The following PTPRN2 variants were observed in gnomAD, a reference collection of about 807,000 sequenced individuals.
PTPRN2 encodes the protein protein tyrosine phosphatase receptor type N2.
Under a neutral mutation model 118.8 loss-of-function variants are expected in PTPRN2, and 74 were observed. That is an observed-to-expected ratio of 0.62 (90% CI 0.52 to 0.76). The LOEUF (loss-of-function observed/expected upper bound fraction) is 0.76. PTPRN2 is among the 30% of genes least tolerant of loss of function. PTPRN2 has a pLI of 0.00. For synonymous variants in PTPRN2, 641 were observed against 608.0 expected (o/e 1.05, Z -0.80); for missense variants, 1,481 against 1,394.4 (o/e 1.06, Z -0.99).
At position 157,589,335 on chromosome 7, in the gene PTPRN2, C is replaced by G. The variant is rs1401243268; in HGVS notation, c.2496+5903G>C. 2.0e-5 allele frequency among the ~76,000 whole-genome samples: 3 copies of G among 152,380 alleles called. No individual in the cohort carries two copies. The East Asian group carries it at 5.8e-4, about 29-fold the overall frequency. ...TGGGACTTCCTTTCTTCCCCCAGCC[C>G]CCTTTCCTTATGCCCACTGGACTCG... On this transcript the variant is annotated intron_variant, in intron 17 of 22. Coordinates refer to ENST00000389418, the MANE Select transcript of PTPRN2 (RefSeq NM_002847.5).
chr7:158,336,718 AC>A (rs1805625560), intron 2 of PTPRN2, among the ~76,000 whole-genome samples: 1 of 119,902 alleles, frequency 8.3e-6, no homozygotes. Context: ...CCACACTCTC[AC>A]CAAAAGAGCT....
chr7:158,257,390 G>A (rs12698183), intron 3 of PTPRN2, among the ~76,000 whole-genome samples: 17,485 of 152,110 alleles, frequency 0.11, 1,128 homozygotes, highest in African/African-American at 0.16. Context: ...TCTCCTCAGC[G>A]TTACAATGAG....
intron 6 of PTPRN2, among the ~76,000 whole-genome samples, chr7:158,162,178 G>A (rs1017147965): frequency 6.6e-6 from 1 of 152,220 alleles, no homozygotes; most frequent in Non-Finnish European, 1.5e-5. Flanking sequence ...AAGACAGTTT[G>A]GTGGCTGCTT....
chr7:157,591,478 C>T lies in PTPRN2; in HGVS notation c.2496+3760G>A, dbSNP rs1329392665. 1.3e-5 allele frequency among the ~76,000 whole-genome samples: 2 copies of T among 152,206 alleles called. No individual in the cohort carries two copies. Among genetic ancestry groups the T allele is most frequent in the Non-Finnish European group, 2.9e-5 (2 of 68,036 alleles). ...TCACTCCAACTCAGCCTGTTGACTT[C>T]GTCATCACCAACTTCGCATTTCAAA... is the stretch of plus-strand genomic sequence containing the variant. On this transcript the variant is annotated intron_variant, in intron 17 of 22. Transcript: ENST00000389418. The surrounding 1 kb of genome is among the most constrained non-coding windows in gnomAD (Gnocchi z 4.4).
intron 1 of PTPRN2, among the ~76,000 whole-genome samples, chr7:158,542,856 C>T (rs113620524): frequency 0.03 from 4,528 of 152,192 alleles, 227 homozygotes; most frequent in African/African-American, 0.1. Context: ...CCACTGTCTA[C>T]GGAACAGCCA....
At chr7:157,564,667 A>T (rs572954132) in intron 21 of PTPRN2, among the ~76,000 whole-genome samples, 1 of 152,392 alleles carries the variant, frequency 6.6e-6, no homozygotes, top group African/African-American at 2.4e-5. Flanking sequence ...ACAAATGGCC[A>T]ATAAGCCATT....
chr7:157,605,076 A>G (rs940338754), intron 15 of PTPRN2, among the ~76,000 whole-genome samples: 1 of 152,136 alleles, frequency 6.6e-6, no homozygotes, highest in East Asian at 1.9e-4. Context: ...CCTTTGCCCA[A>G]GTTTTGCTCA....
intron 1 of PTPRN2, among the ~76,000 whole-genome samples, chr7:158,522,211 G>A (rs1318479168): frequency 2.5e-5 from 2 of 79,422 alleles, no homozygotes; most frequent in Non-Finnish European, 5.0e-5. Context: ...TCACAATGGT[G>A]GACTGTCCAG....
chr7:158,520,456 C>G (rs375618430), intron 1 of PTPRN2, among the ~76,000 whole-genome samples: 2 of 152,202 alleles, frequency 1.3e-5, no homozygotes, highest in African/African-American at 4.8e-5. Flanking sequence ...CTTCGGTAGA[C>G]AGTTTCTAGA....
chr7:158,246,902 G>A (rs1313275222), intron 3 of PTPRN2, among the ~76,000 whole-genome samples: 1 of 152,018 alleles, frequency 6.6e-6, no homozygotes, highest in Non-Finnish European at 1.5e-5. Context: ...GACTGAGAGG[G>A]GCTACACCAG....
chr7:158,402,550 C>T (rs1233983696), intron 2 of PTPRN2, among the ~76,000 whole-genome samples: 3 of 152,198 alleles, frequency 2.0e-5, no homozygotes, highest in South Asian at 2.1e-4. Flanking sequence ...CAATATCCCA[C>T]GTGCCAGGGG....
At position 157,676,698 on chromosome 7, in the gene PTPRN2, C is replaced by T. The variant is rs117462092; in HGVS notation, c.2001+6027G>A. ...CAGTTTATCTGCTGCTGACTTTGCC[C>T]CCTTGTAAAACAGGGTTGGGAGATA... is the stretch of plus-strand genomic sequence containing the variant. On this transcript the variant is annotated intron_variant, in intron 13 of 22. Coordinates refer to ENST00000389418, the MANE Select transcript of PTPRN2 (RefSeq NM_002847.5). This position sits in a 1 kb window ranked among gnomAD's most constrained non-coding sequence, Gnocchi z 5.6. 0.012 allele frequency among the ~76,000 whole-genome samples: 1,859 copies of T among 152,310 alleles called. 24 individuals carry two copies. The highest frequency in any genetic ancestry group is 0.017 in the Non-Finnish European group (1,136 of 68,024).
intron 5 of PTPRN2, among the ~76,000 whole-genome samples, chr7:158,188,100 C>A (rs118180433): frequency 2.0e-5 from 3 of 151,824 alleles, no homozygotes; most frequent in Admixed American, 2.0e-4. Context: ...GGCCCCGTCA[C>A]GAGCTCCCAA....
At chr7:157,924,408 T>G (rs1452652477) in intron 11 of PTPRN2, among the ~76,000 whole-genome samples, 1 of 152,164 alleles carries the variant, frequency 6.6e-6, no homozygotes, top group Non-Finnish European at 1.5e-5. Context: ...CCAGCCCTGT[T>G]GCCAGAGCTC....
At chr7:158,567,864 C>T (rs574212441) in intron 1 of PTPRN2, among the ~76,000 whole-genome samples, 4 of 152,320 alleles carry the variant, frequency 2.6e-5, no homozygotes, top group African/African-American at 4.8e-5. Context: ...AGATGGGGCA[C>T]GGGCCATCCC....
In PTPRN2 at chr7:157,674,550, G is replaced by A. The variant is rs930159178; in HGVS notation, c.2001+8175C>T. ...GCGTCTTGCCTCCTTTTATGCCGGT[G>A]TACGTGTTGTGTTAAGAGCTGGGCT... On this transcript the variant is annotated intron_variant, in intron 13 of 22. Transcript: ENST00000389418. The surrounding 1 kb of genome is among the most constrained non-coding windows in gnomAD (Gnocchi z 4.5). Among the ~76,000 whole-genome samples, 1 of 152,158 alleles carries A rather than the reference G, an allele frequency of 6.6e-6. No individual in the cohort carries two copies. Among genetic ancestry groups the A allele is most frequent in the Non-Finnish European group, 1.5e-5 (1 of 68,042 alleles).
At chr7:158,156,187 C>T (rs530874067) in intron 6 of PTPRN2, among the ~76,000 whole-genome samples, 111 of 152,294 alleles carry the variant, frequency 7.3e-4, no homozygotes, top group South Asian at 6.2e-4. Context: ...ATTTTGCACT[C>T]ACAGGGCTCA....
At chr7:157,802,783 C>T (rs183509945) in intron 12 of PTPRN2, among the ~76,000 whole-genome samples, 4 of 152,290 alleles carry the variant, frequency 2.6e-5, no homozygotes, top group Admixed American at 2.0e-4. Flanking sequence ...CGTATCTCAT[C>T]GTGGCTCTGA....
intron 2 of PTPRN2, among the ~76,000 whole-genome samples, chr7:158,337,538 A>G (rs200799616): frequency 2.1e-5 from 3 of 141,574 alleles, no homozygotes; most frequent in Admixed American, 2.1e-4. Flanking sequence ...TGACACCTGC[A>G]GACGTCATTC....
Sources: gnomAD v4.1 joint callset for allele counts (sites outside exome capture counted in the v4.1 genomes callset) on GRCh38, gnomAD v4.1.1 for gene constraint, Gnocchi (gnomAD v3.1) non-coding constraint, MANE v1.5 for transcripts, NCBI Gene and HGNC (gene_info 2026-07-23, HGNC 2026-07-21) for gene names.